The following TAF4B variants were observed in gnomAD, a reference collection of about 807,000 sequenced individuals.
TAF4B encodes TATA-box binding protein associated factor 4b.
In TAF4B, 38 loss-of-function variants were observed where a neutral mutation model predicts 86.4. That is an observed-to-expected ratio of 0.44 (90% CI 0.34 to 0.58). The LOEUF is 0.58. Ranked by LOEUF, TAF4B falls within the 20% of genes least tolerant of loss-of-function variation. The pLI is 0.02. For missense variants in TAF4B, 988 were observed against 1,027.6 expected (o/e 0.96, Z 0.53); for synonymous variants, 388 against 391.2 (o/e 0.99, Z 0.10).
chr18:26,388,206 A>T (rs2144411785), intron 14 of TAF4B, among the ~76,000 whole-genome samples: 1 of 152,372 alleles, frequency 6.6e-6, no homozygotes. Context: ...TTACAAAATT[A>T]TCTTTTGAGA....
chr18:26,301,199 C>G (rs2056727780), intron 9 of TAF4B, among the ~76,000 whole-genome samples: 1 of 151,916 alleles, frequency 6.6e-6, no homozygotes, highest in Non-Finnish European at 1.5e-5. Context: ...GGATTATTGT[C>G]CTGTGGTATA....
intron 8 of TAF4B, 24 bp downstream of exon 8, chr18:26,292,405 C>T: frequency 6.3e-7 from 1 of 1,595,876 alleles, no homozygotes. Flanking sequence ...CATCTCAGTC[C>T]CATCATGCTG....
At chr18:26,274,360 C>T (rs1425678917) in intron 3 of TAF4B, among the ~76,000 whole-genome samples, 1 of 152,050 alleles carries the variant, frequency 6.6e-6, no homozygotes, top group East Asian at 1.9e-4. Flanking sequence ...ACAAAAAATC[C>T]TAGGACAGCA....
At chr18:26,368,846 T>C (rs1369645617) in intron 14 of TAF4B, among the ~76,000 whole-genome samples, 2 of 152,198 alleles carry the variant, frequency 1.3e-5, no homozygotes, top group Non-Finnish European at 2.9e-5. Context: ...GGTTGACTCT[T>C]TGTCAGCTAT....
intron 1 of TAF4B, among the ~76,000 whole-genome samples, chr18:26,259,780 A>G (rs183778814): frequency 0.02 from 2,988 of 152,138 alleles, 82 homozygotes; most frequent in African/African-American, 0.068. Context: ...ATGATTTATA[A>G]TCCTTTGGGT....
At chr18:26,326,919 T>C in intron 11 of TAF4B, 96 bp from the exon 12 acceptor site, 3 of 1,335,792 alleles carry the variant, frequency 2.2e-6, no homozygotes, top group East Asian at 4.8e-5. Flanking sequence ...CCTATTTATG[T>C]TGGTATTCCT....
At chr18:26,231,226 A>G (rs1310883360) in intron 1 of TAF4B, among the ~76,000 whole-genome samples, 1 of 150,956 alleles carries the variant, frequency 6.6e-6, no homozygotes, top group Non-Finnish European at 1.5e-5. Context: ...TATTTTTAGT[A>G]GAGATGAGGT....
intron 11 of TAF4B, among the ~76,000 whole-genome samples, chr18:26,324,622 C>T (rs1255474150): frequency 6.6e-6 from 1 of 152,192 alleles, no homozygotes. Context: ...GTATCTCCCC[C>T]ACCTAGAAGA....
At chr18:26,377,884 C>CT (rs1461567878) in intron 14 of TAF4B, among the ~76,000 whole-genome samples, 6 of 152,142 alleles carry the variant, frequency 3.9e-5, no homozygotes, top group Non-Finnish European at 7.3e-5. Context: ...TCGTCCTACA[C>CT]TAGTATTACA....
chr18:26,320,098 C>A (rs1281675059), intron 10 of TAF4B, among the ~76,000 whole-genome samples: 2 of 152,088 alleles, frequency 1.3e-5, no homozygotes, highest in Non-Finnish European at 2.9e-5. Context: ...TTAATTCAAG[C>A]ATATTTTTTC....
intron 13 of TAF4B, among the ~76,000 whole-genome samples, chr18:26,337,523 A>C (rs979616494): frequency 5.3e-5 from 8 of 150,890 alleles, no homozygotes; most frequent in Admixed American, 3.3e-4. Context: ...CCCAGGTTCA[A>C]GCGATTCTCC....
At chr18:26,356,007 TTTAA>T (rs1020806151) in intron 13 of TAF4B, among the ~76,000 whole-genome samples, 1 of 152,226 alleles carries the variant, frequency 6.6e-6, no homozygotes, top group Non-Finnish European at 1.5e-5. Flanking sequence ...GTTCATTTTC[TTTAA>T]TTAATTGTTG....
intron 14 of TAF4B, among the ~76,000 whole-genome samples, chr18:26,361,834 T>C (rs1274094057): frequency 6.6e-6 from 1 of 151,992 alleles, no homozygotes; most frequent in East Asian, 1.9e-4. Context: ...GTTGTTCTAG[T>C]ACAGGACAAC....
chr18:26,330,800 C>G (rs544313933), intron 12 of TAF4B, among the ~76,000 whole-genome samples: 1 of 152,262 alleles, frequency 6.6e-6, no homozygotes, highest in South Asian at 2.1e-4. Context: ...AAACTTGGTT[C>G]CCATTATCCT....
At chr18:26,317,515 A>T (rs1222021497) in intron 10 of TAF4B, among the ~76,000 whole-genome samples, 2 of 152,236 alleles carry the variant, frequency 1.3e-5, no homozygotes, top group African/African-American at 4.8e-5. Context: ...TTCGGCTGTC[A>T]TAGTACAAAG....
chr18:26,380,204 G>T (rs570129556), intron 14 of TAF4B, among the ~76,000 whole-genome samples: 1 of 152,246 alleles, frequency 6.6e-6, no homozygotes, highest in East Asian at 1.9e-4. Flanking sequence ...TAGAAGTGGT[G>T]AGAGCAGACA....
rs1306653171 is a variant in TAF4B at position 26,286,078 on chromosome 18, C to T, written c.1169C>T (p.Thr390Ile). ...GTTTCTGGAGCAACAGCACCCAGAA[C>T]TGTGTCAGTGCAAACTTTGAACCCA... Reference protein sequence around the residue: ...IIVSGATAPRTVSVQTLNPLA... With the variant: ...IIVSGATAPRIVSVQTLNPLA... Residue 390 changes from threonine to isoleucine, a missense_variant, in exon 7 of 15, where the codon ACT becomes ATT. Physicochemically the swap from Thr to Ile is moderately conservative, Grantham distance 89. This residue lies in a region of TAF4B where 747 missense variants were observed against 737.9 expected (regional missense o/e 1.01). Coordinates refer to ENST00000269142, the MANE Select transcript of TAF4B (RefSeq NM_005640.3). The T allele has an allele frequency of 1.2e-6, 2 of 1,614,226 alleles. No homozygotes were observed. The highest frequency in any genetic ancestry group is 1.7e-6 in the Non-Finnish European group (2 of 1,180,038).
intron 10 of TAF4B, among the ~76,000 whole-genome samples, chr18:26,316,478 C>G (rs186032715): frequency 7.2e-5 from 11 of 152,152 alleles, no homozygotes; most frequent in Admixed American, 7.2e-4. Flanking sequence ...GCAGCCTCTG[C>G]CTCCCAGGTT....
intron 14 of TAF4B, among the ~76,000 whole-genome samples, chr18:26,377,459 G>T (rs2057450164): frequency 1.3e-5 from 2 of 152,106 alleles, no homozygotes; most frequent in African/African-American, 4.8e-5. Context: ...TCTTAACTCT[G>T]CATATATGAG....
Sources: allele counts gnomAD v4.1 joint callset (sites outside exome capture counted in the v4.1 genomes callset), GRCh38; gene constraint gnomAD v4.1.1; regional missense constraint gnomAD v4.1.1; transcripts MANE v1.5; gene names NCBI Gene and HGNC (gene_info 2026-07-23, HGNC 2026-07-21).